Variants in CYFIP1 observed in about 807,000 individuals in gnomAD.
CYFIP1 encodes cytoplasmic FMR1-interacting protein 1.
Under a neutral mutation model 163.5 loss-of-function variants are expected in CYFIP1, and 58 were observed. That is an observed-to-expected ratio of 0.35 (90% CI 0.29 to 0.44). The LOEUF is 0.44. Ranked by LOEUF, CYFIP1 falls within the 20% of genes least tolerant of loss-of-function variation. The probability of loss-of-function intolerance (pLI) is 1.00; values close to 1 mark genes in which losing one functional copy is unlikely to be tolerated. For missense variants in CYFIP1, 1,338 were observed against 1,653.8 expected, an observed-to-expected ratio of 0.81 and a Z score of 3.31; for synonymous variants, 663 against 660.7, an observed-to-expected ratio of 1.00 and a Z score of -0.05.
chr15:22,888,650 T>C (rs1159119500), intron 23 of CYFIP1, among the ~76,000 whole-genome samples: 1 of 150,874 alleles, frequency 6.6e-6, no homozygotes, highest in Non-Finnish European at 1.5e-5. Flanking sequence ...GAGGATTGCT[T>C]GAGCCTGGGA....
intron 1 of CYFIP1, among the ~76,000 whole-genome samples, chr15:22,965,209 A>T (rs1163744065): frequency 6.6e-6 from 1 of 152,242 alleles, no homozygotes; most frequent in Non-Finnish European, 1.5e-5. Context: ...CTATAGTCCC[A>T]ACACTTTGAG....
chr15:22,887,276 A>G (rs1337198714), intron 23 of CYFIP1, among the ~76,000 whole-genome samples: 1 of 152,212 alleles, frequency 6.6e-6, no homozygotes, highest in African/African-American at 2.4e-5. Context: ...TGACGAGATT[A>G]GACAACACTG....
intron 1 of CYFIP1, among the ~76,000 whole-genome samples, chr15:22,956,172 A>C (rs1376586810): frequency 6.6e-6 from 1 of 152,034 alleles, no homozygotes; most frequent in African/African-American, 2.4e-5. Flanking sequence ...GCGCCACTGC[A>C]CTCCAGCCTG....
chr15:22,893,427 T>C (rs2060136652), intron 22 of CYFIP1, among the ~76,000 whole-genome samples: 1 of 152,194 alleles, frequency 6.6e-6, no homozygotes, highest in Admixed American at 6.5e-5. Context: ...TGTGTCTTGA[T>C]AATGGATTAG....
At chr15:22,950,198 G>C (rs1416001379) in intron 1 of CYFIP1, among the ~76,000 whole-genome samples, 1 of 152,090 alleles carries the variant, frequency 6.6e-6, no homozygotes, top group Non-Finnish European at 1.5e-5. Context: ...ATTAGAAGAG[G>C]TTGTCAGAAC....
At chr15:22,952,146 G>A (rs2062271101) in intron 1 of CYFIP1, among the ~76,000 whole-genome samples, 1 of 152,126 alleles carries the variant, frequency 6.6e-6, no homozygotes. Flanking sequence ...AAGAAAAAAC[G>A]CCGCATGATT....
intron 12 of CYFIP1, among the ~76,000 whole-genome samples, chr15:22,927,176 A>G (rs2061381069): frequency 6.6e-6 from 1 of 152,046 alleles, no homozygotes; most frequent in Non-Finnish European, 1.5e-5. Flanking sequence ...CTGTACAAAA[A>G]AAACCAAAAA....
chr15:22,961,665 G>A (rs911221192), intron 1 of CYFIP1, among the ~76,000 whole-genome samples: 8 of 152,242 alleles, frequency 5.3e-5, no homozygotes, highest in African/African-American at 1.9e-4. Context: ...ACAGGAACGA[G>A]CCACTTCCCC....
At chr15:22,916,387 A>C in intron 16 of CYFIP1, 90 bp downstream of exon 16, 7 of 940,300 alleles carry the variant, frequency 7.4e-6, no homozygotes, top group South Asian at 1.5e-5. Flanking sequence ...GGGACGGGGT[A>C]GGGGGTGGTC....
At chr15:22,913,108 A>G (rs560545630) in intron 17 of CYFIP1, among the ~76,000 whole-genome samples, 1 of 152,092 alleles carries the variant, frequency 6.6e-6, no homozygotes, top group East Asian at 1.9e-4. Flanking sequence ...AGGCAGGAGG[A>G]TCACCTGAGC....
intron 1 of CYFIP1, among the ~76,000 whole-genome samples, chr15:22,963,918 G>A (rs1202239413): frequency 6.6e-6 from 1 of 152,138 alleles, no homozygotes; most frequent in Admixed American, 6.5e-5. Flanking sequence ...ATAAACATCA[G>A]TGTTATAATC....
intron 23 of CYFIP1, 54 bp from the exon 24 acceptor site, chr15:22,883,065 G>A: frequency 1.3e-6 from 2 of 1,583,656 alleles, no homozygotes; most frequent in Non-Finnish European, 1.7e-6. Context: ...ATGTGCAGAT[G>A]AAGAACTGTG....
chr15:22,960,718 C>T (rs2062647985), intron 1 of CYFIP1, among the ~76,000 whole-genome samples: 1 of 152,244 alleles, frequency 6.6e-6, no homozygotes, highest in South Asian at 2.1e-4. Context: ...TTCAGGGCGG[C>T]CCGCCCTCCT....
chr15:22,926,257 A>G, intron 12 of CYFIP1, 150 bp from the exon 13 acceptor site: 1 of 1,146,820 alleles, frequency 8.7e-7, no homozygotes, highest in Non-Finnish European at 1.2e-6. Flanking sequence ...CACACCGTCC[A>G]TCTCCACAGA....
intron 1 of CYFIP1, among the ~76,000 whole-genome samples, 198 bp downstream of exon 1, chr15:22,980,089 C>T (rs1002712306): frequency 1.4e-5 from 2 of 140,690 alleles, no homozygotes; most frequent in Non-Finnish European, 3.1e-5. Flanking sequence ...GGCGCGGGAG[C>T]CCGGGGCCGG....
chr15:22,875,128 C>T (rs1159076962), intron 27 of CYFIP1, 71 bp downstream of exon 27: 45 of 1,418,958 alleles, frequency 3.2e-5, no homozygotes, highest in East Asian at 6.8e-5. Context: ...CTTAGCTCTC[C>T]GGTTGCATAC....
chr15:22,959,361 C>T (rs966063491), intron 1 of CYFIP1, among the ~76,000 whole-genome samples: 4 of 152,236 alleles, frequency 2.6e-5, no homozygotes, highest in South Asian at 4.1e-4. Flanking sequence ...CCCACCATGG[C>T]GGTCTCCGGG....
chr15:22,946,932 A>C, intron 3 of CYFIP1, 71 bp downstream of exon 3: 1 of 1,343,322 alleles, frequency 7.4e-7, no homozygotes, highest in Non-Finnish European at 1.1e-6. Flanking sequence ...GGATAATACC[A>C]AAAAGTATAC....
At chr15:22,880,185 G>T in intron 25 of CYFIP1, 142 bp from the exon 26 acceptor site, 1 of 1,149,008 alleles carries the variant, frequency 8.7e-7, no homozygotes, top group East Asian at 2.4e-5. Flanking sequence ...CCCATCCCCA[G>T]CATCTTCCCT....
Sources: gnomAD v4.1 joint callset for allele counts (sites outside exome capture counted in the v4.1 genomes callset) on GRCh38, gnomAD v4.1.1 for gene constraint, MANE v1.5 for transcripts, NCBI Gene and HGNC (gene_info 2026-07-23, HGNC 2026-07-21) for gene names.